ITPKB: variants seen among roughly 807,000 people sequenced by gnomAD.
The protein encoded by ITPKB is IP3 3-kinase B.
In ITPKB, 13 loss-of-function variants were observed where a neutral mutation model predicts 69.4. That is an observed-to-expected ratio of 0.19 (90% confidence interval 0.12 to 0.30). The LOEUF is 0.30. ITPKB is among the 10% of genes least tolerant of loss of function. The probability of loss-of-function intolerance (pLI) is 1.00; values close to 1 mark genes in which losing one functional copy is unlikely to be tolerated. For synonymous variants in ITPKB, 584 were observed against 513.7 expected (o/e 1.14, Z -1.85); for missense variants, 1,240 against 1,250.5 (o/e 0.99, Z 0.13).
At chr1:226,696,763 C>T (rs1407304053) in intron 2 of ITPKB, among the ~76,000 whole-genome samples, 2 of 152,182 alleles carry the variant, frequency 1.3e-5, no homozygotes, top group African/African-American at 4.8e-5. Context: ...AGTGTCTCAT[C>T]ACACTTACTA....
At chr1:226,663,177 C>T (rs571694863) in intron 2 of ITPKB, among the ~76,000 whole-genome samples, 10 of 152,312 alleles carry the variant, frequency 6.6e-5, no homozygotes, top group African/African-American at 1.9e-4. Context: ...ATTGACTCAT[C>T]GCCCTTCCCC....
intron 2 of ITPKB, among the ~76,000 whole-genome samples, chr1:226,729,897 G>C (rs1657538444): frequency 6.6e-6 from 1 of 152,036 alleles, no homozygotes; most frequent in African/African-American, 2.4e-5. Context: ...ACCTGGCCTA[G>C]TTTTTGTTAT....
At chr1:226,652,410 T>A (rs762383767) in intron 2 of ITPKB, among the ~76,000 whole-genome samples, 1 of 152,172 alleles carries the variant, frequency 6.6e-6, no homozygotes, top group Non-Finnish European at 1.5e-5. Flanking sequence ...AGAAATGGAC[T>A]CCAGGCCTCA....
At chr1:226,711,405 AAGAGAGAG>A (rs59479705) in intron 2 of ITPKB, among the ~76,000 whole-genome samples, 1,478 of 129,802 alleles carry the variant, frequency 0.011, 25 homozygotes, top group African/African-American at 0.039. Context: ...GGTGTTTTGA[AAGAGAGAG>A]AGAGAGAGAG....
chr1:226,684,512 C>G (rs1035488938), intron 2 of ITPKB, among the ~76,000 whole-genome samples: 1 of 152,132 alleles, frequency 6.6e-6, no homozygotes, highest in African/African-American at 2.4e-5. Context: ...GGAAGGGGAC[C>G]CACAGAGGCA....
chr1:226,717,603 G>T (rs115509405), intron 2 of ITPKB, among the ~76,000 whole-genome samples: 1 of 152,110 alleles, frequency 6.6e-6, no homozygotes, highest in Non-Finnish European at 1.5e-5. Context: ...TTATTTCCAG[G>T]CCCCAACAAT....
chr1:226,657,002 T>A (rs905532408), intron 2 of ITPKB: 8 of 152,246 alleles, frequency 5.3e-5, no homozygotes, highest in Non-Finnish European at 1.2e-4. Flanking sequence ...TTGGCAAGCA[T>A]CCAACTAGGC....
At position 226,648,775 on chromosome 1, in the gene ITPKB, G is replaced by T; in HGVS notation, c.1933-4C>A. 1 of 1,581,998 alleles carries T rather than the reference G, an allele frequency of 6.3e-7. No individual in the cohort carries two copies. Among genetic ancestry groups the T allele is most frequent in the Non-Finnish European group, 8.7e-7 (1 of 1,150,870 alleles). Reference sequence around the variant, plus strand: ...TTATCTTCCTCCATGATTTGCTCTAGAAACAAACAAACAAAAAGCTCTACA... The same window carrying T: ...TTATCTTCCTCCATGATTTGCTCTATAAACAAACAAACAAAAAGCTCTACA... On this transcript the variant is annotated splice_polypyrimidine_tract_variant and splice_region_variant and intron_variant, in intron 2 of 7. Coordinates refer to ENST00000429204, the MANE Select transcript of ITPKB (RefSeq NM_002221.4).
chr1:226,714,826 G>C (rs892484586), intron 2 of ITPKB, among the ~76,000 whole-genome samples: 1 of 152,244 alleles, frequency 6.6e-6, no homozygotes, highest in African/African-American at 2.4e-5. Context: ...ACAGTACAGA[G>C]TGGTGGGCAC....
intron 2 of ITPKB, among the ~76,000 whole-genome samples, chr1:226,723,574 G>A (rs902990365): frequency 1.3e-5 from 2 of 151,832 alleles, no homozygotes; most frequent in African/African-American, 4.8e-5. Context: ...CGTGTGTGTG[G>A]GTGTGTGTGT....
At position 226,738,637 on chromosome 1, in the gene ITPKB, A is replaced by G. The variant is rs1346580634; in HGVS notation, c.-206+404T>C. Among the ~76,000 whole-genome samples, 1 of 152,132 alleles carries G rather than the reference A, an allele frequency of 6.6e-6. No individual in the cohort carries two copies. The highest frequency in any genetic ancestry group is 1.5e-5 in the Non-Finnish European group (1 of 67,998). On this transcript the variant is annotated intron_variant, in intron 1 of 7. Coordinates refer to ENST00000429204, the MANE Select transcript of ITPKB (RefSeq NM_002221.4). The surrounding 1 kb of genome is among the most constrained non-coding windows in gnomAD (Gnocchi z 4.2). ...GCAGCCGGGCAGCAGCCCTAGGTGC[A>G]CAGAGCCTCTAGCTCTGCAAACCTC...
intron 2 of ITPKB, among the ~76,000 whole-genome samples, chr1:226,665,647 C>T (rs1669484551): frequency 6.6e-6 from 1 of 152,130 alleles, no homozygotes; most frequent in East Asian, 1.9e-4. Flanking sequence ...GAGATGGAAG[C>T]CAGGATTTCT....
At chr1:226,716,048 C>T (rs1657087516) in intron 2 of ITPKB, among the ~76,000 whole-genome samples, 1 of 152,206 alleles carries the variant, frequency 6.6e-6, no homozygotes, top group Non-Finnish European at 1.5e-5. Flanking sequence ...TGACCTCAGG[C>T]AATCTGCCCA....
At chr1:226,647,598 T>C (rs1669087768) in intron 3 of ITPKB, among the ~76,000 whole-genome samples, 2 of 152,214 alleles carry the variant, frequency 1.3e-5, no homozygotes, top group African/African-American at 4.8e-5. Flanking sequence ...CCAGCTTCCT[T>C]GACTCCAGAC....
At chr1:226,719,564 TG>T (rs2102642487) in intron 2 of ITPKB, among the ~76,000 whole-genome samples, 1 of 152,334 alleles carries the variant, frequency 6.6e-6, no homozygotes, top group African/African-American at 2.4e-5. Context: ...CCCTCACCCA[TG>T]TCTCCTAATT....
intron 2 of ITPKB, among the ~76,000 whole-genome samples, chr1:226,672,581 G>A (rs528925164): frequency 6.6e-6 from 1 of 152,324 alleles, no homozygotes; most frequent in East Asian, 1.9e-4. Flanking sequence ...CAAGACCACG[G>A]CTGTCTTTCG....
chr1:226,718,375 G>A (rs1326156262), intron 2 of ITPKB, among the ~76,000 whole-genome samples: 1 of 151,916 alleles, frequency 6.6e-6, no homozygotes, highest in Non-Finnish European at 1.5e-5. Context: ...TCAGCACTTT[G>A]GGAGGCCAGG....
rs780011409 is a variant in ITPKB, at chr1:226,642,086, C to T, written c.2286G>A (p.Lys762=). ...LEEELTKARK[K]PSLRKDMYQK... ...GGTACATGTCCTTCCGCAGGCTGGG[C>T]TTCTTCCGGGCCTTCGTGAGCTCCT... The change falls in exon 5 of 8, where the codon AAG becomes AAA. Residue 762 remains lysine (K), a synonymous_variant. Transcript: ENST00000429204. The surrounding 1 kb of genome is among the most constrained non-coding windows in gnomAD (Gnocchi z 6.4). 1.6e-5 allele frequency: 26 copies of T among 1,614,144 alleles called. No homozygotes were observed. Among genetic ancestry groups the T allele is most frequent in the Non-Finnish European group, 2.2e-5 (26 of 1,180,036 alleles).
intron 2 of ITPKB, among the ~76,000 whole-genome samples, chr1:226,706,942 CT>C (rs1203283258): frequency 6.6e-6 from 1 of 152,092 alleles, no homozygotes; most frequent in Non-Finnish European, 1.5e-5. Flanking sequence ...AAATTTCTTC[CT>C]GGGGGCTCAA....
Sources: gnomAD v4.1 joint callset for allele counts (sites outside exome capture counted in the v4.1 genomes callset) on GRCh38, gnomAD v4.1.1 for gene constraint, Gnocchi (gnomAD v3.1) non-coding constraint, MANE v1.5 for transcripts, NCBI Gene and HGNC (gene_info 2026-07-23, HGNC 2026-07-21) for gene names.